The following OR10G3 variants were observed in gnomAD, a reference collection of about 807,000 sequenced individuals.
The protein encoded by OR10G3 is olfactory receptor family 10 subfamily G member 3.
In OR10G3, 8 loss-of-function variants were observed where a neutral mutation model predicts 13.4. The ratio of observed to expected loss-of-function variants is 0.60; its 90% CI spans 0.35 to 1.08. OR10G3 has a LOEUF of 1.08. OR10G3 is among the 50% of genes least tolerant of loss of function. The probability of loss-of-function intolerance (pLI) is 0.02; values close to 1 mark genes in which losing one functional copy is unlikely to be tolerated. For missense variants in OR10G3, 393 were observed against 386.6 expected, an observed-to-expected ratio of 1.02 and a Z score of -0.14; for synonymous variants, 142 against 156.1, an observed-to-expected ratio of 0.91 and a Z score of 0.67.
chr14:21,579,175 C>T (rs1390351671), intron 1 of OR10G3, among the ~76,000 whole-genome samples: 6 of 152,180 alleles, frequency 3.9e-5, no homozygotes, highest in Non-Finnish European at 7.3e-5. Flanking sequence ...AAAATTTAGC[C>T]AATTAAAGGC....
In OR10G3 at chr14:21,569,815, C is replaced by T. The variant is rs749283995; in HGVS notation, c.930G>A (p.Pro310=). ...LKRMLRSPRT[P]SEV ...GAGAAAGACACTTTCAAACCTCACTCGGAGTTCTTGGGCTTCTGAGCATTC... is the reference window on the plus strand; with the variant it reads ...GAGAAAGACACTTTCAAACCTCACTTGGAGTTCTTGGGCTTCTGAGCATTC... The change falls in exon 2 of 2, where the codon CCG becomes CCA. Residue 310 remains proline, a synonymous_variant. Coordinates refer to ENST00000641040, the MANE Select transcript of OR10G3 (RefSeq NM_001005465.2). 5.7e-5 allele frequency: 92 copies of T among 1,613,696 alleles called. No homozygotes were observed. Among genetic ancestry groups the T allele is most frequent in the Middle Eastern group, 1.6e-4 (1 of 6,080 alleles).
intron 1 of OR10G3, among the ~76,000 whole-genome samples, chr14:21,575,150 C>T (rs1004342280): frequency 2.0e-5 from 3 of 152,008 alleles, no homozygotes; most frequent in Non-Finnish European, 2.9e-5. Context: ...GGTGCGATCT[C>T]GGCTCACTGC....
chr14:21,568,593 G>C lies in OR10G3; in HGVS notation c.*1210C>G, dbSNP rs1228033001. The C allele has an allele frequency of 6.6e-6, 1 of 152,078 alleles. No individual in the cohort carries two copies. The highest frequency in any genetic ancestry group is 6.5e-5 in the Admixed American group (1 of 15,276). The allele number at this position is 152,078 out of a possible 1,614,324, so 9.4% of individuals were successfully genotyped here. A position where few individuals can be genotyped will look rare whatever the true frequency, so the allele number is the denominator to read the frequency against. ...TTTGGTTACATGGATAAGTTCTTTA[G>C]TGGTGATTTCTGAGATTTTGGTGCA... On this transcript the variant is annotated 3_prime_UTR_variant, in exon 2 of 2. Transcript: ENST00000641040.
At chr14:21,574,264 C>G (rs974246320) in intron 1 of OR10G3, among the ~76,000 whole-genome samples, 1 of 145,988 alleles carries the variant, frequency 6.8e-6, no homozygotes, top group Non-Finnish European at 1.5e-5. Context: ...GATTGAGCCA[C>G]TGTACTCCAG....
In OR10G3 at chr14:21,568,790, A is replaced by C. The variant is rs2139708837; in HGVS notation, c.*1013T>G. The C allele has an allele frequency of 6.6e-6, 1 of 151,094 alleles. No homozygotes were observed. The highest frequency in any genetic ancestry group is 2.4e-5 in the African/African-American group (1 of 41,140). 9.4% of individuals were successfully genotyped at this position (151,094 alleles called of 1,614,324 possible). On this transcript the variant is annotated 3_prime_UTR_variant, in exon 2 of 2. Coordinates refer to ENST00000641040, the MANE Select transcript of OR10G3 (RefSeq NM_001005465.2). ...CAGTGGTGCGATCTCGGCTCACTGC[A>C]ACCTCCGCCTCCCAGGTTCACGCCA...
In OR10G3 at chr14:21,569,741, G is replaced by A. The variant is rs1354312838; in HGVS notation, c.*62C>T. ...ACAAGAAGAAAAGAAAAAAGTTACC[G>A]AAGCCTAAACATTATAATAAATTCT... On this transcript the variant is annotated 3_prime_UTR_variant, in exon 2 of 2. Coordinates refer to ENST00000641040, the MANE Select transcript of OR10G3 (RefSeq NM_001005465.2). 10 of 1,382,486 alleles carry A rather than the reference G, an allele frequency of 7.2e-6. No homozygotes were observed. The highest frequency in any genetic ancestry group is 7.0e-5 in the East Asian group (3 of 42,958). 85.6% of individuals were successfully genotyped at this position (1,382,486 alleles called of 1,614,324 possible).
At chr14:21,574,067 G>A (rs995938960) in intron 1 of OR10G3, among the ~76,000 whole-genome samples, 13 of 152,082 alleles carry the variant, frequency 8.5e-5, no homozygotes, top group Non-Finnish European at 1.5e-5. Context: ...ACTTTGGGAG[G>A]CTGAGGCAGG....
At chr14:21,577,856 G>GC (rs386775408) in intron 1 of OR10G3, among the ~76,000 whole-genome samples, 57,927 of 151,790 alleles carry the variant, frequency 0.38, 11,298 homozygotes, top group Admixed American at 0.46. Context: ...TACAAAATTA[G>GC]TGTGGTGTGG....
rs1893038570 is a variant in OR10G3, at chr14:21,569,484, A to G, written c.*319T>C. On this transcript the variant is annotated 3_prime_UTR_variant, in exon 2 of 2. Coordinates refer to ENST00000641040, the MANE Select transcript of OR10G3 (RefSeq NM_001005465.2). ...TATAATATTGGGAAATATCATATTG[A>G]ACTCTACGTTTTGGTGTGGGAGAAT... The G allele has an allele frequency of 4.1e-6, 1 of 244,118 alleles. No individual in the cohort carries two copies. The highest frequency in any genetic ancestry group is 7.9e-6 in the Non-Finnish European group (1 of 125,914). 15.1% of individuals were successfully genotyped at this position (244,118 alleles called of 1,614,324 possible). A position where few individuals can be genotyped will look rare whatever the true frequency, so the allele number is the denominator to read the frequency against.
chr14:21,578,880 T>C (rs1021054635), intron 1 of OR10G3, among the ~76,000 whole-genome samples: 1 of 152,314 alleles, frequency 6.6e-6, no homozygotes, highest in East Asian at 1.9e-4. Flanking sequence ...AGTTATTAAA[T>C]TGAGAGACAT....
At chr14:21,574,612 G>A (rs958528536) in intron 1 of OR10G3, among the ~76,000 whole-genome samples, 3 of 152,070 alleles carry the variant, frequency 2.0e-5, no homozygotes, top group African/African-American at 7.2e-5. Flanking sequence ...CATCATAATG[G>A]ATCTGGTCAT....
At chr14:21,573,729 T>A (rs1893097310) in intron 1 of OR10G3, among the ~76,000 whole-genome samples, 2 of 151,752 alleles carry the variant, frequency 1.3e-5, no homozygotes, top group South Asian at 4.2e-4. Flanking sequence ...TCAGGACCTA[T>A]TGAACAGCAT....
At chr14:21,571,866 G>T (rs1424185893) in intron 1 of OR10G3, among the ~76,000 whole-genome samples, 1 of 151,908 alleles carries the variant, frequency 6.6e-6, no homozygotes, top group East Asian at 2.0e-4. Flanking sequence ...TAGAGACGGG[G>T]TTTCACCATG....
chr14:21,573,240 G>A (rs1199522711), intron 1 of OR10G3, among the ~76,000 whole-genome samples: 2 of 152,150 alleles, frequency 1.3e-5, no homozygotes, highest in East Asian at 3.9e-4. Flanking sequence ...AGCCAGGCAT[G>A]GAAAGACAAT....
intron 1 of OR10G3, among the ~76,000 whole-genome samples, chr14:21,574,226 C>T (rs1030975762): frequency 1.1e-4 from 16 of 144,592 alleles, no homozygotes; most frequent in Admixed American, 6.6e-4. Flanking sequence ...TGGCATGTAC[C>T]GGGGAGGCGG....
Position 21,570,216 on chromosome 14 carries a change from A to C in OR10G3, c.529T>G (p.Tyr177Asp), listed in dbSNP as rs759609801. The C allele has an allele frequency of 6.2e-7, 1 of 1,614,206 alleles. No individual in the cohort carries two copies. Among genetic ancestry groups the C allele is most frequent in the South Asian group, 1.1e-5 (1 of 91,074 alleles). The change falls in exon 2 of 2, where the codon TAC becomes GAC. Residue 177 changes from tyrosine (Y) to aspartate (D), a missense_variant. Physicochemically the swap from Tyr to Asp is radical, Grantham distance 160. Coordinates refer to ENST00000641040, the MANE Select transcript of OR10G3 (RefSeq NM_001005465.2). The part of the protein sequence containing the change: ...LPYCGPNQVD[Y>D]FFCDIPAVLR... Reference sequence around the variant, plus strand: ...ACTGCAGGGATGTCACAGAAGAAGTAATCCACCTGATTGGGCCCACAGTAG... The same window carrying C: ...ACTGCAGGGATGTCACAGAAGAAGTCATCCACCTGATTGGGCCCACAGTAG...
intron 1 of OR10G3, among the ~76,000 whole-genome samples, chr14:21,575,888 C>T (rs1018663041): frequency 1.3e-5 from 2 of 152,208 alleles, no homozygotes; most frequent in Non-Finnish European, 2.9e-5. Flanking sequence ...AGGATCACAG[C>T]GATGGCTGAA....
Position 21,570,536 on chromosome 14 carries a change from A to T in OR10G3, c.209T>A (p.Ile70Asn), listed in dbSNP as rs752650895. Residue 70 changes from isoleucine (I) to asparagine (N), a missense_variant, in exon 2 of 2, where the codon ATT (isoleucine) becomes AAT (asparagine). Coordinates refer to ENST00000641040, the MANE Select transcript of OR10G3 (RefSeq NM_001005465.2). ...MYIFLGVLSV[I>N]DMSISSIIVP... ...AATGATGGAGGAGATGCTCATATCA[A>T]TGACTGAGAGAACACCAAGAAAGAT... 4.3e-6 allele frequency: 7 copies of T among 1,614,080 alleles called. No individual in the cohort carries two copies. The Admixed American group carries it at 1.0e-4, about 23-fold the overall frequency.
chr14:21,570,580 G>T lies in OR10G3; in HGVS notation c.165C>A (p.Leu55=), dbSNP rs754834690. The change falls in exon 2 of 2, where the codon CTC becomes CTA. Residue 55 remains leucine, a synonymous_variant. Transcript: ENST00000641040. ...ILITVWADPR[L]HARPMYIFLG... ...GAAAGATGTACATGGGGCGGGCATG[G>T]AGCCTTGGGTCTGCCCAGACAGTGA... The T allele has an allele frequency of 5.0e-6, 8 of 1,614,044 alleles. No individual in the cohort carries two copies. Among genetic ancestry groups the T allele is most frequent in the East Asian group, 4.5e-5 (2 of 44,902 alleles).
Sources: gnomAD v4.1 joint callset for allele counts (sites outside exome capture counted in the v4.1 genomes callset) on GRCh38, gnomAD v4.1.1 for gene constraint, MANE v1.5 for transcripts, NCBI Gene and HGNC (gene_info 2026-07-23, HGNC 2026-07-21) for gene names.